The following NAT1 variants were observed in gnomAD, a reference collection of about 807,000 sequenced individuals.
The protein encoded by NAT1 is N-acetyltransferase 1.
For synonymous variants in NAT1, 144 were observed against 122.6 expected, an observed-to-expected ratio of 1.17 and a Z score of -1.16; for missense variants, 400 against 339.2, an observed-to-expected ratio of 1.18 and a Z score of -1.41.
At position 18,216,781 on chromosome 8, in the gene NAT1, A is replaced by C. The variant is rs1804716882; in HGVS notation, c.-85-2630A>C. The C allele has an allele frequency of 4.5e-6, 3 of 673,704 alleles. No homozygotes were observed. In the Admixed American group the frequency reaches 8.9e-5, roughly 20 times the overall value. The allele number at this position is 673,704 out of a possible 1,614,324, so 41.7% of individuals were successfully genotyped here. A position where few individuals can be genotyped will look rare whatever the true frequency, so the allele number is the denominator to read the frequency against. Reference sequence around the variant, plus strand: ...GAGGCTAAGCAGTTGACAGACAGATACTGGGTATGATGAGAATTTAGAAGG... The same window carrying C: ...GAGGCTAAGCAGTTGACAGACAGATCCTGGGTATGATGAGAATTTAGAAGG... On this transcript the variant is annotated intron_variant, in intron 1 of 2. Transcript: ENST00000307719.
chr8:18,198,493 A>C (rs1182186510), intron 2 of NAT1, among the ~76,000 whole-genome samples: 1 of 152,224 alleles, frequency 6.6e-6, no homozygotes. Context: ...AGTAGTGTTG[A>C]GGTTAAATCA....
chr8:18,217,095 C>T (rs1227457864), intron 1 of NAT1: 2 of 765,846 alleles, frequency 2.6e-6, no homozygotes, highest in Non-Finnish European at 4.2e-6. Flanking sequence ...GTGAGAATTT[C>T]CTTTATTTGT....
intron 2 of NAT1, among the ~76,000 whole-genome samples, chr8:18,180,697 T>G (rs567708979): frequency 1.3e-5 from 2 of 152,180 alleles, no homozygotes; most frequent in Non-Finnish European, 2.9e-5. Context: ...CATGAGGTAA[T>G]GGTAACACTA....
At chr8:18,189,455 A>G (rs1268709049) in intron 2 of NAT1, among the ~76,000 whole-genome samples, 4 of 152,188 alleles carry the variant, frequency 2.6e-5, no homozygotes, top group Admixed American at 6.6e-5. Context: ...GTAGTTTGAA[A>G]AAGCACGTGT....
At chr8:18,172,387 G>A (rs1802129142) in intron 2 of NAT1, among the ~76,000 whole-genome samples, 1 of 152,176 alleles carries the variant, frequency 6.6e-6, no homozygotes, top group South Asian at 2.1e-4. Flanking sequence ...AACGCCTGCT[G>A]GGAAAGTCAC....
chr8:18,213,935 T>G (rs1322894275), intron 1 of NAT1, among the ~76,000 whole-genome samples: 4 of 151,892 alleles, frequency 2.6e-5, no homozygotes, highest in Non-Finnish European at 4.4e-5. Flanking sequence ...TGCCTCAGCC[T>G]CCTGAGTAGC....
intron 2 of NAT1, among the ~76,000 whole-genome samples, chr8:18,203,579 G>A (rs1239022292): frequency 6.6e-6 from 1 of 152,190 alleles, no homozygotes; most frequent in Non-Finnish European, 1.5e-5. Context: ...GAGGCCTGGG[G>A]ACATTTGTGG....
chr8:18,223,470 A>T lies in NAT1; in HGVS notation c.*550A>T, dbSNP rs1348106420. On this transcript the variant is annotated 3_prime_UTR_variant, in exon 3 of 3. Coordinates refer to ENST00000307719, the MANE Select transcript of NAT1 (RefSeq NM_000662.8). ...GAATGAACATGAGCTTTTCTTGTGTAGATCTGAGTTGAAATCCTGTGGACA... is the reference window on the plus strand; with the variant it reads ...GAATGAACATGAGCTTTTCTTGTGTTGATCTGAGTTGAAATCCTGTGGACA... The T allele has an allele frequency of 6.0e-6, 1 of 166,980 alleles. No individual in the cohort carries two copies. Among genetic ancestry groups the T allele is most frequent in the East Asian group, 1.9e-4 (1 of 5,198 alleles). The allele number at this position is 166,980 out of a possible 1,614,324, so 10.3% of individuals were successfully genotyped here. A position where few individuals can be genotyped will look rare whatever the true frequency, so the allele number is the denominator to read the frequency against.
intron 2 of NAT1, among the ~76,000 whole-genome samples, chr8:18,202,145 T>C (rs1803490848): frequency 6.6e-6 from 1 of 152,220 alleles, no homozygotes; most frequent in Non-Finnish European, 1.5e-5. Flanking sequence ...AAACCTTATC[T>C]TTGTGTAAGA....
intron 2 of NAT1, among the ~76,000 whole-genome samples, chr8:18,183,932 G>C (rs970238952): frequency 1.3e-5 from 2 of 152,138 alleles, no homozygotes; most frequent in African/African-American, 4.8e-5. Context: ...CTATGACTTT[G>C]CTGGGTTCAG....
chr8:18,213,739 A>G (rs970101653), intron 1 of NAT1, among the ~76,000 whole-genome samples: 7 of 151,988 alleles, frequency 4.6e-5, no homozygotes, highest in Non-Finnish European at 8.8e-5. Flanking sequence ...TAACAATTCC[A>G]GTGTTGACAG....
chr8:18,174,620 T>C (rs150031180), intron 2 of NAT1, among the ~76,000 whole-genome samples: 20 of 152,186 alleles, frequency 1.3e-4, no homozygotes, highest in Middle Eastern at 3.4e-3. Flanking sequence ...CCTCACGCCC[T>C]GGAGAACCCA....
intron 2 of NAT1, among the ~76,000 whole-genome samples, chr8:18,192,374 A>T (rs1052427449): frequency 6.6e-6 from 1 of 152,172 alleles, no homozygotes; most frequent in African/African-American, 2.4e-5. Context: ...AAATAGGAAC[A>T]CTTTTCCACT....
chr8:18,219,522 G>C, intron 2 of NAT1, 33 bp downstream of exon 2: 1 of 1,279,390 alleles, frequency 7.8e-7, no homozygotes, highest in Non-Finnish European at 1.1e-6. Context: ...CTCTCAGTGG[G>C]CTTCCTAAGC....
intron 2 of NAT1, among the ~76,000 whole-genome samples, chr8:18,176,383 C>A (rs1802294633): frequency 6.6e-6 from 1 of 152,012 alleles, no homozygotes. Flanking sequence ...GTATTTTATT[C>A]ATTTTGAGTT....
chr8:18,203,035 G>A (rs184336570), intron 2 of NAT1, among the ~76,000 whole-genome samples: 6 of 152,298 alleles, frequency 3.9e-5, no homozygotes, highest in Middle Eastern at 6.8e-3. Context: ...TGCTTTTACA[G>A]AGTGCTGATT....
intron 2 of NAT1, among the ~76,000 whole-genome samples, chr8:18,179,419 C>A (rs1200320137): frequency 6.6e-6 from 1 of 152,152 alleles, no homozygotes; most frequent in Non-Finnish European, 1.5e-5. Flanking sequence ...GTAGCATCCT[C>A]TTGAGAACCT....
chr8:18,186,503 G>C (rs1322906699), intron 2 of NAT1, among the ~76,000 whole-genome samples: 1 of 151,934 alleles, frequency 6.6e-6, no homozygotes, highest in Non-Finnish European at 1.5e-5. Context: ...TATGTAAGTA[G>C]CATATAGTTG....
At position 18,222,650 on chromosome 8, in the gene NAT1, T is replaced by C. The variant is rs1325431369; in HGVS notation, c.603T>C (p.Asp201=). Residue 201 remains aspartate, a synonymous_variant, in exon 3 of 3, where the codon GAT becomes GAC. Coordinates refer to ENST00000307719, the MANE Select transcript of NAT1 (RefSeq NM_000662.8). ...SFTLKPRTIE[D]FESMNTYLQT... ...CTCTTAAGCCTCGAACAATTGAAGA[T>C]TTTGAGTCTATGAATACATACCTGC... is the stretch of plus-strand genomic sequence containing the variant. 6.2e-7 allele frequency: 1 copy of C among 1,613,550 alleles called. No individual in the cohort carries two copies. Among genetic ancestry groups the C allele is most frequent in the South Asian group, 1.1e-5 (1 of 90,970 alleles).
Sources: allele counts gnomAD v4.1 joint callset (sites outside exome capture counted in the v4.1 genomes callset), GRCh38; gene constraint gnomAD v4.1.1; transcripts MANE v1.5; gene names NCBI Gene and HGNC (gene_info 2026-07-23, HGNC 2026-07-21).